DLGAP2: variants seen among roughly 807,000 people sequenced by gnomAD.
DLGAP2 encodes DLG associated protein 2, also known as disks large-associated protein 2.
DLGAP2 carries 26 observed loss-of-function variants against 100.3 expected under a neutral mutation model. The observed-to-expected ratio is 0.26, with a 90% CI of 0.19 to 0.36. The LOEUF is 0.36. Ranked by LOEUF, DLGAP2 falls within the 10% of genes least tolerant of loss-of-function variation. DLGAP2 has a pLI of 1.00. For missense variants in DLGAP2, 1,858 were observed against 1,453.2 expected (o/e 1.28, Z -4.53); for synonymous variants, 886 against 630.1 (o/e 1.41, Z -6.08).
At chr8:1,456,015 C>T (rs948852514) in intron 3 of DLGAP2, among the ~76,000 whole-genome samples, 9 of 152,312 alleles carry the variant, frequency 5.9e-5, no homozygotes, top group African/African-American at 2.2e-4. Context: ...TGATGCACAC[C>T]AGCCCGATGG....
intron 1 of DLGAP2, among the ~76,000 whole-genome samples, chr8:874,195 T>G (rs770750806): frequency 1.2e-4 from 18 of 152,086 alleles, no homozygotes; most frequent in Non-Finnish European, 2.4e-4. Context: ...TTTTCTGTTC[T>G]CTATTAGTTT....
At chr8:1,683,854 A>ATGTGTGTGTGTG (rs1194440969) in intron 12 of DLGAP2, among the ~76,000 whole-genome samples, 1 of 72,982 alleles carries the variant, frequency 1.4e-5, no homozygotes, top group Admixed American at 1.5e-4. Context: ...ATATATATAT[A>ATGTGTGTGTGTG]TATGTGTGTG....
chr8:856,547 A>G (rs1797282473), intron 1 of DLGAP2, among the ~76,000 whole-genome samples: 1 of 152,236 alleles, frequency 6.6e-6, no homozygotes, highest in Admixed American at 6.5e-5. Context: ...TACAGGGTTA[A>G]TATGCAAAGG....
intron 2 of DLGAP2, among the ~76,000 whole-genome samples, chr8:1,058,723 T>C (rs1488982765): frequency 1.3e-5 from 2 of 152,194 alleles, no homozygotes; most frequent in Admixed American, 1.3e-4. Flanking sequence ...TTAAGACAGA[T>C]TGGCCTTATA....
chr8:927,649 G>A (rs929105819), intron 2 of DLGAP2, among the ~76,000 whole-genome samples: 1 of 152,120 alleles, frequency 6.6e-6, no homozygotes, highest in Non-Finnish European at 1.5e-5. Context: ...TAGGGTATGG[G>A]GTTGTTGTCG....
rs559123525 is a variant in DLGAP2 at position 1,563,320 on chromosome 8, G to A, written c.1231-2363G>A. On this transcript the variant is annotated intron_variant, in intron 5 of 14. Transcript: ENST00000637795. ...TGTGGTGTTGGGGTGTCCGTGCCTC[G>A]TTACTGGGGGGCTGTGTGGTTTTGG... Among the ~76,000 whole-genome samples, 323 of 42,462 alleles carry A rather than the reference G, an allele frequency of 7.6e-3. 36 individuals carry two copies. Among genetic ancestry groups the A allele is most frequent in the African/African-American group, 0.032 (298 of 9,318 alleles). The allele number at this position is 42,462 out of a possible 152,430, so 27.9% of individuals were successfully genotyped here.
In DLGAP2 at chr8:1,523,331, C is replaced by T. The variant is rs1300919175; in HGVS notation, c.172+21900C>T. Among the ~76,000 whole-genome samples, 10 of 152,342 alleles carry T rather than the reference C, an allele frequency of 6.6e-5. No individual in the cohort carries two copies. The East Asian group carries it at 1.2e-3, about 18-fold the overall frequency. On this transcript the variant is annotated intron_variant, in intron 4 of 14. Transcript: ENST00000637795. ...AGACACACGACAGAGAACAGCGTCA[C>T]GGGGTCACCGTCCCACTTCCCACCC...
At chr8:1,050,052 A>G (rs988425673) in intron 2 of DLGAP2, among the ~76,000 whole-genome samples, 1 of 152,250 alleles carries the variant, frequency 6.6e-6, no homozygotes, top group African/African-American at 2.4e-5. Context: ...GCTGTCACAC[A>G]CATGTACATA....
intron 2 of DLGAP2, among the ~76,000 whole-genome samples, chr8:1,142,008 C>T (rs1194564364): frequency 6.6e-6 from 1 of 151,182 alleles, no homozygotes; most frequent in Non-Finnish European, 1.5e-5. Flanking sequence ...TGGAGAAATA[C>T]ATCTCAAGGT....
intron 4 of DLGAP2, among the ~76,000 whole-genome samples, chr8:1,547,084 G>A (rs61545444): frequency 0.017 from 2,603 of 152,174 alleles, 66 homozygotes; most frequent in African/African-American, 0.059. Context: ...GAGGAGAGGC[G>A]GCAGGACCCG....
chr8:830,569 T>C (rs1228657217), intron 1 of DLGAP2, among the ~76,000 whole-genome samples: 1 of 152,212 alleles, frequency 6.6e-6, no homozygotes, highest in Non-Finnish European at 1.5e-5. Context: ...TGGCAGATCA[T>C]ACGTAATTTG....
intron 3 of DLGAP2, among the ~76,000 whole-genome samples, chr8:1,279,870 T>C (rs984585821): frequency 6.6e-5 from 10 of 152,074 alleles, no homozygotes; most frequent in Non-Finnish European, 1.2e-4. Flanking sequence ...TGAGTAGCAG[T>C]GTCAGGCCCA....
chr8:1,024,047 G>A (rs1801708808), intron 2 of DLGAP2, among the ~76,000 whole-genome samples: 1 of 151,972 alleles, frequency 6.6e-6, no homozygotes, highest in Non-Finnish European at 1.5e-5. Context: ...GGTGCCATGT[G>A]CGGTGTGGGG....
chr8:1,042,952 C>G (rs1585007130), intron 2 of DLGAP2, among the ~76,000 whole-genome samples: 13 of 38,614 alleles, frequency 3.4e-4, no homozygotes, highest in Non-Finnish European at 3.4e-4. Flanking sequence ...GTGGATATGG[C>G]TGGTAGGTGG....
intron 9 of DLGAP2, among the ~76,000 whole-genome samples, chr8:1,669,379 T>G (rs543708200): frequency 6.6e-6 from 1 of 152,238 alleles, no homozygotes; most frequent in African/African-American, 2.4e-5. Flanking sequence ...AAGTCTGTTT[T>G]AGGTGCAGTG....
intron 1 of DLGAP2, among the ~76,000 whole-genome samples, chr8:777,757 G>A (rs1821565435): frequency 6.6e-6 from 1 of 152,112 alleles, no homozygotes; most frequent in South Asian, 2.1e-4. Context: ...AGGGTAACCC[G>A]ACCTTTCTCT....
intron 2 of DLGAP2, among the ~76,000 whole-genome samples, chr8:1,070,386 C>T (rs1002573029): frequency 6.6e-6 from 1 of 152,170 alleles, no homozygotes; most frequent in Non-Finnish European, 1.5e-5. Flanking sequence ...CAATAAATCT[C>T]GTGGTTCCTG....
intron 8 of DLGAP2, among the ~76,000 whole-genome samples, chr8:1,659,118 C>T (rs1798351392): frequency 1.3e-5 from 2 of 152,152 alleles, no homozygotes; most frequent in African/African-American, 4.8e-5. Context: ...CATTCAGGAG[C>T]AGATTGTTCA....
At chr8:1,029,726 C>G (rs1801921663) in intron 2 of DLGAP2, among the ~76,000 whole-genome samples, 1 of 152,026 alleles carries the variant, frequency 6.6e-6, no homozygotes, top group Admixed American at 6.5e-5. Context: ...GGAGGAGGGG[C>G]TGAGCCTCAG....
Sources: gnomAD v4.1 joint callset for allele counts (sites outside exome capture counted in the v4.1 genomes callset) on GRCh38, gnomAD v4.1.1 for gene constraint, MANE v1.5 for transcripts, NCBI Gene and HGNC (gene_info 2026-07-23, HGNC 2026-07-21) for gene names.